Variants in AHR observed in about 807,000 individuals in gnomAD.
The protein encoded by AHR is aryl hydrocarbon receptor, also known as AH-receptor.
A neutral mutation model predicts 86.8 loss-of-function variants in AHR; 40 were observed. The ratio of observed to expected loss-of-function variants is 0.46; its 90% CI spans 0.36 to 0.60. The LOEUF (loss-of-function observed/expected upper bound fraction) is 0.60, where lower values mean the gene tolerates loss of function less well. Ranked by LOEUF, AHR falls within the 20% of genes least tolerant of loss-of-function variation. AHR has a pLI of 0.00. For missense variants in AHR, 1,001 were observed against 1,011.6 expected (o/e 0.99, Z 0.14); for synonymous variants, 398 against 354.9 (o/e 1.12, Z -1.37).
intron 2 of AHR, among the ~76,000 whole-genome samples, chr7:17,310,430 C>CT (rs1026090150): frequency 2.0e-5 from 3 of 150,756 alleles, no homozygotes; most frequent in Non-Finnish European, 4.4e-5. Flanking sequence ...ATTTAAAAGT[C>CT]TTTTTTAAAA....
At chr7:17,342,878 G>A in intron 10 of AHR, 43 bp from the exon 11 acceptor site, 2 of 1,579,510 alleles carry the variant, frequency 1.3e-6, no homozygotes, top group Non-Finnish European at 1.7e-6. Context: ...AAGATACTTG[G>A]AAGATCTATT....
rs1471689401 is a variant in AHR, at chr7:17,343,644, A to T, written c.*580A>T. The T allele has an allele frequency of 1.3e-5, 2 of 152,536 alleles. No homozygotes were observed. Among genetic ancestry groups the T allele is most frequent in the African/African-American group, 4.8e-5 (2 of 41,412 alleles). 9.4% of individuals were successfully genotyped at this position (152,536 alleles called of 1,614,324 possible). On this transcript the variant is annotated 3_prime_UTR_variant, in exon 11 of 11. Coordinates refer to ENST00000242057, the MANE Select transcript of AHR (RefSeq NM_001621.5). ...TTTTTTCTACCTATAACACTCTAGGATGTATATTTTATATAAAGTATTCTT... is the reference window on the plus strand; with the variant it reads ...TTTTTTCTACCTATAACACTCTAGGTTGTATATTTTATATAAAGTATTCTT...
Position 17,299,136 on chromosome 7 carries a change from G to A in AHR, c.-129G>A. ...GGCGCCCACGCCACTGTCCCGAGAG[G>A]ACGCAGGTGGAGCGGGCGCGGCTTC... On this transcript the variant is annotated 5_prime_UTR_variant, in exon 1 of 11. Transcript: ENST00000242057. 1.3e-5 allele frequency: 13 copies of A among 1,003,408 alleles called. No homozygotes were observed. The highest frequency in any genetic ancestry group is 1.7e-5 in the Non-Finnish European group (12 of 717,356). The allele number at this position is 1,003,408 out of a possible 1,614,324, so 62.2% of individuals were successfully genotyped here. A position where few individuals can be genotyped will look rare whatever the true frequency, so the allele number is the denominator to read the frequency against.
intron 1 of AHR, 103 bp downstream of exon 1, chr7:17,299,432 T>C: frequency 7.4e-7 from 1 of 1,345,044 alleles, no homozygotes; most frequent in Non-Finnish European, 1.0e-6. Context: ...ATCCTGGGAT[T>C]AGGTCCATTC....
chr7:17,330,904 A>C lies in AHR; in HGVS notation c.705+18A>C, dbSNP rs1316425234. ...GTTTTCTGGTAAGGTACAAAATTTTATGATACTGGCTTTTACTATTGTTAC... is the reference window on the plus strand; with the variant it reads ...GTTTTCTGGTAAGGTACAAAATTTTCTGATACTGGCTTTTACTATTGTTAC... On this transcript the variant is annotated intron_variant, in intron 6 of 10. Transcript: ENST00000242057. 6.2e-7 allele frequency: 1 copy of C among 1,609,174 alleles called. No individual in the cohort carries two copies. The highest frequency in any genetic ancestry group is 1.1e-5 in the South Asian group (1 of 90,780).
chr7:17,338,072 G>A (rs1377444238), intron 9 of AHR, among the ~76,000 whole-genome samples: 20 of 151,154 alleles, frequency 1.3e-4, no homozygotes, highest in Admixed American at 1.1e-3. Flanking sequence ...TGTAGCGGGC[G>A]CCTGTAGTCC....
At chr7:17,302,074 T>C (rs1301111096) in intron 1 of AHR, among the ~76,000 whole-genome samples, 2 of 152,006 alleles carry the variant, frequency 1.3e-5, no homozygotes, top group Non-Finnish European at 2.9e-5. Context: ...AGAATGTTTT[T>C]CCCTAGTGAT....
intron 2 of AHR, among the ~76,000 whole-genome samples, chr7:17,312,131 A>T (rs144063975): frequency 6.0e-4 from 91 of 152,328 alleles, no homozygotes; most frequent in African/African-American, 2.0e-3. Flanking sequence ...TCCCAGCGTC[A>T]CGGAATGCTG....
intron 9 of AHR, chr7:17,336,060 TA>T (rs1284348908): frequency 7.2e-6 from 2 of 277,120 alleles, no homozygotes; most frequent in Non-Finnish European, 1.3e-5. Flanking sequence ...GTGTCATTGG[TA>T]AAAAAGAAGA....
intron 2 of AHR, among the ~76,000 whole-genome samples, chr7:17,320,395 TTA>T (rs1231763757): frequency 3.3e-5 from 5 of 152,084 alleles, no homozygotes; most frequent in African/African-American, 1.2e-4. Context: ...CTCTTAATAT[TTA>T]TGTTTTTCTA....
intron 9 of AHR, among the ~76,000 whole-genome samples, chr7:17,338,474 A>G (rs1782380132): frequency 6.6e-6 from 1 of 151,966 alleles, no homozygotes; most frequent in African/African-American, 2.4e-5. Flanking sequence ...CCTGCCTCAG[A>G]CTCCAGAGTA....
At chr7:17,320,674 A>G (rs916728263) in intron 2 of AHR, among the ~76,000 whole-genome samples, 1 of 152,108 alleles carries the variant, frequency 6.6e-6, no homozygotes, top group Non-Finnish European at 1.5e-5. Context: ...AAATGTGGCC[A>G]TTAGTAAGCA....
intron 1 of AHR, among the ~76,000 whole-genome samples, chr7:17,307,559 G>A (rs1430083914): frequency 6.6e-6 from 1 of 152,100 alleles, no homozygotes; most frequent in East Asian, 1.9e-4. Context: ...AGACAAAAGC[G>A]GCTTCAATAG....
chr7:17,317,055 T>C (rs923209235), intron 2 of AHR, among the ~76,000 whole-genome samples: 2 of 151,316 alleles, frequency 1.3e-5, no homozygotes, highest in African/African-American at 4.8e-5. Flanking sequence ...GTTACTGTTA[T>C]GGAAATCATA....
At chr7:17,315,273 A>G (rs1364176608) in intron 2 of AHR, among the ~76,000 whole-genome samples, 1 of 152,038 alleles carries the variant, frequency 6.6e-6, no homozygotes, top group Non-Finnish European at 1.5e-5. Context: ...AATTTACAGT[A>G]TAAGATTTAT....
At chr7:17,299,580 C>T (rs1169581778) in intron 1 of AHR, among the ~76,000 whole-genome samples, 2 of 152,266 alleles carry the variant, frequency 1.3e-5, no homozygotes, top group Non-Finnish European at 2.9e-5. Flanking sequence ...TACACACCCT[C>T]TCACATTTGC....
At chr7:17,328,151 T>G (rs1266947840) in intron 4 of AHR, among the ~76,000 whole-genome samples, 1 of 151,972 alleles carries the variant, frequency 6.6e-6, no homozygotes, top group Admixed American at 6.6e-5. Context: ...ATCAAATAAC[T>G]TATGGATAGC....
chr7:17,322,430 C>A, intron 2 of AHR, 71 bp from the exon 3 acceptor site: 2 of 964,548 alleles, frequency 2.1e-6, no homozygotes, highest in Non-Finnish European at 3.2e-6. Context: ...GTTTGGTGTT[C>A]AGAAGTTTTC....
At position 17,299,295 on chromosome 7, in the gene AHR, G is replaced by T. The variant is rs763620530; in HGVS notation, c.31G>T (p.Ala11Ser). 2 of 1,612,408 alleles carry T rather than the reference G, an allele frequency of 1.2e-6. No individual in the cohort carries two copies. Among genetic ancestry groups the T allele is most frequent in the Non-Finnish European group, 8.5e-7 (1 of 1,179,702 alleles). The change falls in exon 1 of 11, where the codon GCC becomes TCC. Residue 11 changes from alanine to serine, a missense_variant. Ala to Ser is a moderately conservative substitution (Grantham distance 99, BLOSUM62 1). This residue lies in a region of AHR where 394 missense variants were observed against 468.5 expected (regional missense o/e 0.84). Coordinates refer to ENST00000242057, the MANE Select transcript of AHR (RefSeq NM_001621.5). MNSSSANITY[A>S]SRKRRKPVQK... ...CAGCAGCAGCGCCAACATCACCTACGCCAGTCGCAAGCGGCGGAAGCCGGT... is the reference window on the plus strand; with the variant it reads ...CAGCAGCAGCGCCAACATCACCTACTCCAGTCGCAAGCGGCGGAAGCCGGT...
Sources: gnomAD v4.1 joint callset for allele counts (sites outside exome capture counted in the v4.1 genomes callset) on GRCh38, gnomAD v4.1.1 for gene constraint, gnomAD v4.1.1 regional missense constraint, MANE v1.5 for transcripts, NCBI Gene and HGNC (gene_info 2026-07-23, HGNC 2026-07-21) for gene names.